The following CSMD3 variants were observed in gnomAD, a reference collection of about 807,000 sequenced individuals.
CSMD3 encodes the protein CUB and sushi domain-containing protein 3.
In CSMD3, 177 loss-of-function variants were observed where a neutral mutation model predicts 435.2. That is an observed-to-expected ratio of 0.41 (90% CI 0.36 to 0.46). The LOEUF (loss-of-function observed/expected upper bound fraction) is 0.46. Among genes scored for constraint, CSMD3 ranks in the 20% least tolerant of loss-of-function variants. The pLI, the probability that CSMD3 is intolerant of heterozygous loss-of-function variation, is 0.34. For synonymous variants in CSMD3, 1,656 were observed against 1,520.5 expected, an observed-to-expected ratio of 1.09 and a Z score of -2.07; for missense variants, 4,265 against 4,504.6, an observed-to-expected ratio of 0.95 and a Z score of 1.52.
chr8:112,346,746 T>G (rs1046340907), intron 40 of CSMD3, among the ~76,000 whole-genome samples: 4 of 133,448 alleles, frequency 3.0e-5, no homozygotes, highest in Non-Finnish European at 6.2e-5. Flanking sequence ...TGGCGCAATC[T>G]CGGCTCACTG....
At chr8:112,322,224 T>G (rs1369795861) in intron 45 of CSMD3, among the ~76,000 whole-genome samples, 1 of 152,108 alleles carries the variant, frequency 6.6e-6, no homozygotes, top group Admixed American at 6.6e-5. Context: ...CACTTTTTTA[T>G]GTGGAATCCA....
At chr8:112,389,273 C>T (rs571470511) in intron 36 of CSMD3, among the ~76,000 whole-genome samples, 2 of 152,126 alleles carry the variant, frequency 1.3e-5, no homozygotes, top group Non-Finnish European at 2.9e-5. Context: ...TATAGATGCT[C>T]TTGAATAACC....
intron 22 of CSMD3, among the ~76,000 whole-genome samples, chr8:112,597,736 C>T: frequency 7.4e-6 from 1 of 135,170 alleles, no homozygotes; most frequent in Non-Finnish European, 1.6e-5. Context: ...TAAGTGTAAT[C>T]CAGCATATAA....
chr8:113,368,240 G>T (rs543833837), intron 1 of CSMD3, among the ~76,000 whole-genome samples: 34 of 152,142 alleles, frequency 2.2e-4, no homozygotes, highest in African/African-American at 7.0e-4. Flanking sequence ...TGTTACCAAA[G>T]AACCTTTTCA....
chr8:112,964,286 C>T (rs569358157), intron 7 of CSMD3, among the ~76,000 whole-genome samples: 9 of 151,920 alleles, frequency 5.9e-5, no homozygotes, highest in East Asian at 3.9e-4. Flanking sequence ...CTCTCAAGTG[C>T]GTATCTTAGA....
At chr8:112,647,164 T>C (rs1348348757) in intron 19 of CSMD3, among the ~76,000 whole-genome samples, 1 of 152,212 alleles carries the variant, frequency 6.6e-6, no homozygotes, top group Non-Finnish European at 1.5e-5. Context: ...TTAAGAGTAC[T>C]ATTTTAGCAA....
Position 113,128,846 on chromosome 8 carries a change from G to T in CSMD3, c.710-29883C>A, listed in dbSNP as rs560362296. Among the ~76,000 whole-genome samples, 6 of 152,136 alleles carry T rather than the reference G, an allele frequency of 3.9e-5. No homozygotes were observed. The South Asian group carries it at 1.2e-3, about 32-fold the overall frequency. On this transcript the variant is annotated intron_variant, in intron 4 of 70. Coordinates refer to ENST00000297405, the MANE Select transcript of CSMD3 (RefSeq NM_198123.2). ...TTACAAGTAGTGTGTGGTGCTAAGC[G>T]AATACAGTTTTTGAGGCATCGAGAA...
chr8:112,478,278 C>T (rs968014159), intron 31 of CSMD3, among the ~76,000 whole-genome samples: 1 of 152,078 alleles, frequency 6.6e-6, no homozygotes, highest in Non-Finnish European at 1.5e-5. Flanking sequence ...GTAGAAATGG[C>T]TTTAGAAATG....
chr8:112,517,082 G>T lies in CSMD3; in HGVS notation c.4708C>A (p.Gln1570Lys), dbSNP rs1286713985. ...TGCCAGAAGTACCGATTTTCTACCTGAATGCAGGTTATTCTTTCCTCTCCT... is the reference window on the plus strand; with the variant it reads ...TGCCAGAAGTACCGATTTTCTACCTTAATGCAGGTTATTCTTTCCTCTCCT... ...LQGEERITCI[Q>K]VENRYFWQPS... Residue 1570 changes from glutamine (Q) to lysine (K), a missense_variant, in exon 28 of 71, where the codon CAG (glutamine) becomes AAG (lysine). Physicochemically the swap from Gln to Lys is moderately conservative, Grantham distance 53. Transcript: ENST00000297405. The T allele has an allele frequency of 6.2e-7, 1 of 1,613,852 alleles. No homozygotes were observed. The highest frequency in any genetic ancestry group is 1.3e-5 in the African/African-American group (1 of 75,020).
chr8:113,295,738 G>C (rs2093716156), intron 2 of CSMD3, among the ~76,000 whole-genome samples: 1 of 152,086 alleles, frequency 6.6e-6, no homozygotes, highest in Non-Finnish European at 1.5e-5. Flanking sequence ...TCAGATTGTG[G>C]CAATTCCTCA....
At chr8:112,371,647 T>C (rs1327955576) in intron 38 of CSMD3, among the ~76,000 whole-genome samples, 1 of 152,068 alleles carries the variant, frequency 6.6e-6, no homozygotes, top group Non-Finnish European at 1.5e-5. Flanking sequence ...CCCAGGACTT[T>C]GGGAGGCCGA....
intron 61 of CSMD3, among the ~76,000 whole-genome samples, chr8:112,259,007 C>A (rs1816108850): frequency 1.3e-5 from 2 of 151,960 alleles, no homozygotes; most frequent in Non-Finnish European, 2.9e-5. Flanking sequence ...CCACTGCACT[C>A]CAGCCTGGGC....
intron 27 of CSMD3, among the ~76,000 whole-genome samples, chr8:112,548,758 C>A (rs1273373877): frequency 6.6e-6 from 1 of 152,064 alleles, no homozygotes; most frequent in Non-Finnish European, 1.5e-5. Flanking sequence ...GAAAAGATCT[C>A]TAGCCAAGAG....
intron 3 of CSMD3, among the ~76,000 whole-genome samples, chr8:113,276,157 C>A (rs1352216111): frequency 6.6e-6 from 1 of 152,094 alleles, no homozygotes; most frequent in Non-Finnish European, 1.5e-5. Context: ...TAATGCCCCT[C>A]TACCTCCCCA....
intron 3 of CSMD3, among the ~76,000 whole-genome samples, chr8:113,224,795 A>AT (rs202113273): frequency 1.3e-4 from 19 of 148,490 alleles, no homozygotes; most frequent in African/African-American, 3.0e-4. Flanking sequence ...TCTTGTGTAA[A>AT]TTTTTTTTTT....
chr8:113,005,152 C>G (rs2131092347), intron 6 of CSMD3, among the ~76,000 whole-genome samples: 1 of 151,616 alleles, frequency 6.6e-6, no homozygotes, highest in South Asian at 2.1e-4. Flanking sequence ...AAACCCAAAC[C>G]AAAAACTACT....
At chr8:112,780,741 C>G (rs1223126210) in intron 13 of CSMD3, among the ~76,000 whole-genome samples, 2 of 152,048 alleles carry the variant, frequency 1.3e-5, no homozygotes, top group Admixed American at 1.3e-4. Flanking sequence ...GGGCAGAATT[C>G]AGCTGGTGTC....
chr8:113,071,250 G>C (rs2089102876), intron 5 of CSMD3, among the ~76,000 whole-genome samples: 1 of 151,864 alleles, frequency 6.6e-6, no homozygotes, highest in African/African-American at 2.4e-5. Flanking sequence ...CAGACATATG[G>C]CTTGAAATAT....
At position 112,556,833 on chromosome 8, in the gene CSMD3, G is replaced by A. The variant is rs140111920; in HGVS notation, c.4164C>T (p.His1388=). ...IYGCNPGYTL[H]GSSLLKCMTG... is the part of the protein sequence containing the mutation. ...TCATGCACTTGAGAAGGCTACTTCC[G>A]TGGAGAGTGTAGCCTGGATTGCATC... The change falls in exon 25 of 71, where the codon CAC becomes CAT. Residue 1388 remains histidine, a synonymous_variant. Transcript: ENST00000297405. 1.8e-5 allele frequency: 29 copies of A among 1,611,948 alleles called. No homozygotes were observed. In the Middle Eastern group the frequency reaches 4.9e-4, roughly 27 times the overall value.
Sources: allele counts gnomAD v4.1 joint callset (sites outside exome capture counted in the v4.1 genomes callset), GRCh38; gene constraint gnomAD v4.1.1; transcripts MANE v1.5; gene names NCBI Gene and HGNC (gene_info 2026-07-23, HGNC 2026-07-21).